RANBP2: variants seen among roughly 807,000 people sequenced by gnomAD.
RANBP2 encodes the protein RAN binding protein 2, also known as E3 SUMO-protein ligase RanBP2.
In RANBP2, 57 loss-of-function variants were observed where a neutral mutation model predicts 303.6. That is an observed-to-expected ratio of 0.19 (90% CI 0.15 to 0.23). The LOEUF (loss-of-function observed/expected upper bound fraction) is 0.23, where lower values mean the gene tolerates loss of function less well. Ranked by LOEUF, RANBP2 falls within the 10% of genes least tolerant of loss-of-function variation. The pLI is 1.00. For synonymous variants in RANBP2, 1,167 were observed against 1,301.5 expected, an observed-to-expected ratio of 0.90 and a Z score of 2.23; for missense variants, 3,138 against 3,780.8, an observed-to-expected ratio of 0.83 and a Z score of 4.46.
At chr2:109,222,756 A>AT in the RANBP2 span, among the ~76,000 whole-genome samples, 1 of 152,226 alleles carries the variant, frequency 6.6e-6, no homozygotes, top group African/African-American at 2.4e-5. Flanking sequence ...TTTCTGTTAA[A>AT]TTAGGTGGTC....
chr2:109,442,658 T>C, the RANBP2 span, among the ~76,000 whole-genome samples: 1 of 152,156 alleles, frequency 6.6e-6, no homozygotes, highest in Non-Finnish European at 1.5e-5. Flanking sequence ...TATGAAATCA[T>C]TTGTAAATGA....
chr2:109,251,706 A>G, the RANBP2 span: 4 of 868,484 alleles, frequency 4.6e-6, no homozygotes, highest in East Asian at 2.5e-5. Context: ...CTATTTTACT[A>G]TGATGTAAAA....
chr2:108,930,169 C>A, the RANBP2 span: 1 of 1,614,050 alleles, frequency 6.2e-7, no homozygotes, highest in East Asian at 2.2e-5. Context: ...CTGGCACAGC[C>A]CCGTAGTCTG....
At chr2:109,087,772 G>A in the RANBP2 span, among the ~76,000 whole-genome samples, 7 of 152,272 alleles carry the variant, frequency 4.6e-5, no homozygotes, top group Admixed American at 3.9e-4. Flanking sequence ...AGCAGATGCT[G>A]CAGGTGGGGC....
At chr2:109,546,657 AAC>A in the RANBP2 span, among the ~76,000 whole-genome samples, 37 of 152,292 alleles carry the variant, frequency 2.4e-4, no homozygotes, top group Middle Eastern at 6.8e-3. Flanking sequence ...ATATGCAGTA[AAC>A]AGTTATTGAA....
chr2:108,786,721 C>CGGG, downstream of RANBP2: 1 of 1,119,882 alleles, frequency 8.9e-7, no homozygotes, highest in Non-Finnish European at 1.3e-6. Flanking sequence ...GTGCGTGCCT[C>CGGG]GGGGGGGCGG....
chr2:109,701,678 C>G, the RANBP2 span, among the ~76,000 whole-genome samples: 103 of 152,194 alleles, frequency 6.8e-4, no homozygotes, highest in African/African-American at 2.4e-3. Context: ...CGCTCTTTGT[C>G]CACAAGGAAT....
At chr2:109,408,596 G>T in the RANBP2 span, among the ~76,000 whole-genome samples, 1 of 152,234 alleles carries the variant, frequency 6.6e-6, no homozygotes, top group South Asian at 2.1e-4. Context: ...CGTGAGCTTC[G>T]CTGCGGCAAG....
the RANBP2 span, among the ~76,000 whole-genome samples, chr2:108,892,205 C>T: frequency 6.6e-6 from 1 of 152,136 alleles, no homozygotes. Flanking sequence ...TATGTCCTTC[C>T]CACAGTCCCA....
the RANBP2 span, among the ~76,000 whole-genome samples, chr2:109,085,512 C>T: frequency 6.6e-6 from 1 of 151,140 alleles, no homozygotes; most frequent in Non-Finnish European, 1.5e-5. Flanking sequence ...ACCATGTTAG[C>T]CAGGATGGTC....
At chr2:108,788,040 T>G, downstream of RANBP2, 1 of 1,570,268 alleles carries the variant, frequency 6.4e-7, no homozygotes, top group South Asian at 1.2e-5. Flanking sequence ...AGTATGATTT[T>G]TCAAATTTTT....
At chr2:108,831,700 TCTTCCTTC>T in the RANBP2 span, among the ~76,000 whole-genome samples, 2,570 of 145,258 alleles carry the variant, frequency 0.018, 29 homozygotes, top group Non-Finnish European at 0.028. Context: ...TGGCACAGAA[TCTTCCTTC>T]CTTCCTTCCT....
chr2:109,015,638 GTCCCA>G, the RANBP2 span, among the ~76,000 whole-genome samples: 1 of 151,822 alleles, frequency 6.6e-6, no homozygotes, highest in Non-Finnish European at 1.5e-5. Context: ...AGTGCCTGCA[GTCCCA>G]GCTACTTGGG....
At chr2:109,628,076 G>T in the RANBP2 span, among the ~76,000 whole-genome samples, 1 of 152,170 alleles carries the variant, frequency 6.6e-6, no homozygotes. Context: ...AACAGTGGTG[G>T]CTGCTCCTGT....
intron 18 of RANBP2, among the ~76,000 whole-genome samples, chr2:108,760,686 A>T (rs551453142): frequency 3.2e-4 from 48 of 152,262 alleles, no homozygotes; most frequent in African/African-American, 1.1e-3. Context: ...TGCAAATGGC[A>T]GTTGGTAGTT....
the RANBP2 span, among the ~76,000 whole-genome samples, chr2:109,592,892 C>T: frequency 2.0e-5 from 3 of 152,094 alleles, no homozygotes; most frequent in African/African-American, 7.2e-5. Context: ...AATCCATCAT[C>T]GACTTTTCAC....
chr2:109,007,585 G>T, the RANBP2 span, among the ~76,000 whole-genome samples: 1 of 152,216 alleles, frequency 6.6e-6, no homozygotes. Flanking sequence ...AGGAGCAGAT[G>T]GCAGAGCTCC....
chr2:108,835,117 CTT>C, the RANBP2 span, among the ~76,000 whole-genome samples: 1 of 152,166 alleles, frequency 6.6e-6, no homozygotes, highest in Non-Finnish European at 1.5e-5. Flanking sequence ...GATCTCATCT[CTT>C]TTTAAAATAT....
chr2:109,012,059 A>G, the RANBP2 span, among the ~76,000 whole-genome samples: 1 of 152,128 alleles, frequency 6.6e-6, no homozygotes, highest in Non-Finnish European at 1.5e-5. Context: ...TCACATTTGA[A>G]TGTTTACCCA....
Sources: allele counts gnomAD v4.1 joint callset (sites outside exome capture counted in the v4.1 genomes callset), GRCh38; gene constraint gnomAD v4.1.1; transcripts MANE v1.5; gene names NCBI Gene and HGNC (gene_info 2026-07-23, HGNC 2026-07-21).